The following EIF2AK1 variants were observed in gnomAD, a reference collection of about 807,000 sequenced individuals.
EIF2AK1 encodes the protein eukaryotic translation initiation factor 2-alpha kinase 1.
EIF2AK1 carries 54 observed loss-of-function variants against 77.9 expected under a neutral mutation model. That is an observed-to-expected ratio of 0.69 (90% confidence interval 0.56 to 0.87). The LOEUF (loss-of-function observed/expected upper bound fraction) is 0.87. Among genes scored for constraint, EIF2AK1 ranks in the 40% least tolerant of loss-of-function variants. The pLI is 0.00. For missense variants in EIF2AK1, 810 were observed against 768.6 expected, an observed-to-expected ratio of 1.05 and a Z score of -0.64; for synonymous variants, 314 against 290.5, an observed-to-expected ratio of 1.08 and a Z score of -0.82.
chr7:6,054,016 T>G (rs1788681787), intron 2 of EIF2AK1, among the ~76,000 whole-genome samples: 1 of 151,852 alleles, frequency 6.6e-6, no homozygotes, highest in African/African-American at 2.4e-5. Flanking sequence ...TATTGTTGAC[T>G]GTAGTCACTC....
chr7:6,024,471 A>G lies in EIF2AK1; in HGVS notation c.*202T>C, dbSNP rs972916320. 2 of 1,413,994 alleles carry G rather than the reference A, an allele frequency of 1.4e-6. No individual in the cohort carries two copies. The highest frequency in any genetic ancestry group is 1.8e-6 in the Non-Finnish European group (2 of 1,090,802). 87.6% of individuals were successfully genotyped at this position (1,413,994 alleles called of 1,614,324 possible). ...AAGTTTTTAGTTTCAGAGACTAGGC[A>G]TATGGTTAATATTTAGGTAGGAAAT... On this transcript the variant is annotated 3_prime_UTR_variant, in exon 15 of 15. Coordinates refer to ENST00000199389, the MANE Select transcript of EIF2AK1 (RefSeq NM_014413.4).
At chr7:6,028,875 C>T (rs766998617) in intron 12 of EIF2AK1, 43 bp downstream of exon 12, 3 of 1,528,726 alleles carry the variant, frequency 2.0e-6, no homozygotes, top group Non-Finnish European at 2.7e-6. Context: ...GCAACCATGT[C>T]TTTTGCTTAT....
chr7:6,031,479 C>G, intron 11 of EIF2AK1: 14 of 1,550,684 alleles, frequency 9.0e-6, no homozygotes, highest in Non-Finnish European at 1.2e-5. Flanking sequence ...CTCTATGAAG[C>G]CATCATGAGA....
chr7:6,027,826 A>G lies in EIF2AK1; in HGVS notation c.1530+789T>C. ...CATGCCTTAATCCCAGCACTTTGGGAGGCCAAGGGAGGAGAATCATTTGAG... is the reference window on the plus strand; with the variant it reads ...CATGCCTTAATCCCAGCACTTTGGGGGGCCAAGGGAGGAGAATCATTTGAG... On this transcript the variant is annotated intron_variant, in intron 13 of 14. Coordinates refer to ENST00000199389, the MANE Select transcript of EIF2AK1 (RefSeq NM_014413.4). The surrounding 1 kb of genome is among the most constrained non-coding windows in gnomAD (Gnocchi z 4.5). 2.9e-6 allele frequency: 1 copy of G among 346,790 alleles called. No homozygotes were observed. The highest frequency in any genetic ancestry group is 5.7e-6 in the Non-Finnish European group (1 of 174,974). The allele number at this position is 346,790 out of a possible 1,614,324, so 21.5% of individuals were successfully genotyped here. A position where few individuals can be genotyped will look rare whatever the true frequency, so the allele number is the denominator to read the frequency against.
At chr7:6,051,273 C>CTTTTT (rs34563208) in intron 2 of EIF2AK1, among the ~76,000 whole-genome samples, 2 of 137,478 alleles carry the variant, frequency 1.5e-5, no homozygotes, top group South Asian at 2.3e-4. Flanking sequence ...TTTTTTCTTT[C>CTTTTT]TTTTTTTTTT....
rs1254038356 is a variant in EIF2AK1 at position 6,038,567 on chromosome 7, C to G, written c.1224G>C (p.Glu408Asp). 3 of 1,610,840 alleles carry G rather than the reference C, an allele frequency of 1.9e-6. No individual in the cohort carries two copies. The highest frequency in any genetic ancestry group is 2.5e-6 in the Non-Finnish European group (3 of 1,178,314). ...GACCCAGATGGTACTCACAGGCAGACTCGTCCACATACTCCCGGCCCCGCT... is the reference window on the plus strand; with the variant it reads ...GACCCAGATGGTACTCACAGGCAGAGTCGTCCACATACTCCCGGCCCCGCT... ...RNKRGREYVD[E>D]SACPYVMANV... Residue 408 changes from glutamate to aspartate, a missense_variant, in exon 10 of 15, where the codon GAG becomes GAC. Physicochemically the swap from Glu to Asp is conservative, Grantham distance 45. This residue lies in a region of EIF2AK1 where 549 missense variants were observed against 533.7 expected (regional missense o/e 1.03). Coordinates refer to ENST00000199389, the MANE Select transcript of EIF2AK1 (RefSeq NM_014413.4).
At chr7:6,054,326 C>G (rs1163898119) in intron 2 of EIF2AK1, among the ~76,000 whole-genome samples, 1 of 152,138 alleles carries the variant, frequency 6.6e-6, no homozygotes. Flanking sequence ...GCCTCAGCCT[C>G]CCGAGTAGCT....
intron 3 of EIF2AK1, among the ~76,000 whole-genome samples, chr7:6,049,421 T>C (rs1380624411): frequency 2.0e-5 from 3 of 152,064 alleles, no homozygotes; most frequent in Non-Finnish European, 4.4e-5. Context: ...CAGGTGCCTG[T>C]GGTCCCAGCT....
chr7:6,024,366 AT>A lies in EIF2AK1; in HGVS notation c.*306del, dbSNP rs2128883960. Reference sequence around the variant, plus strand: ...TGACGAGGGCAGGGAGCACACATCAATTTCTGCGGTACCTTCTAGAGGAAGA... The same window carrying A: ...TGACGAGGGCAGGGAGCACACATCAATTCTGCGGTACCTTCTAGAGGAAGA... On this transcript the variant is annotated 3_prime_UTR_variant, in exon 15 of 15. Coordinates refer to ENST00000199389, the MANE Select transcript of EIF2AK1 (RefSeq NM_014413.4). The A allele has an allele frequency of 1.7e-6, 2 of 1,157,798 alleles. No individual in the cohort carries two copies. The highest frequency in any genetic ancestry group is 3.4e-5 in the South Asian group (2 of 59,378). 71.7% of individuals were successfully genotyped at this position (1,157,798 alleles called of 1,614,324 possible).
At chr7:6,028,329 G>C (rs914708645) in intron 13 of EIF2AK1, among the ~76,000 whole-genome samples, 1 of 151,206 alleles carries the variant, frequency 6.6e-6, no homozygotes, top group African/African-American at 2.4e-5. Context: ...TCGGCTCACT[G>C]CAACCTCTGC....
In EIF2AK1 at chr7:6,033,005, G is replaced by A. The variant is rs1226209181; in HGVS notation, c.1333-3973C>T. The A allele has an allele frequency of 7.3e-7, 1 of 1,374,480 alleles. No individual in the cohort carries two copies. The highest frequency in any genetic ancestry group is 2.0e-5 in the Admixed American group (1 of 48,922). 85.1% of individuals were successfully genotyped at this position (1,374,480 alleles called of 1,614,324 possible). A position where few individuals can be genotyped will look rare whatever the true frequency, so the allele number is the denominator to read the frequency against. The stretch of plus-strand genomic sequence containing the variant: ...TGTTTTGAGGCAGGGGTCTCGCTCT[G>A]TTGCCCAGGCTGGAGTGCAATGGCA... On this transcript the variant is annotated intron_variant, in intron 11 of 14. Coordinates refer to ENST00000199389, the MANE Select transcript of EIF2AK1 (RefSeq NM_014413.4). This position sits in a 1 kb window ranked among gnomAD's most constrained non-coding sequence, Gnocchi z 4.4.
At position 6,036,704 on chromosome 7, in the gene EIF2AK1, T is replaced by C. The variant is rs181241293; in HGVS notation, c.1332+720A>G. Among the ~76,000 whole-genome samples, 4 of 152,218 alleles carry C rather than the reference T, an allele frequency of 2.6e-5. No individual in the cohort carries two copies. The highest frequency in any genetic ancestry group is 3.9e-4 in the East Asian group (2 of 5,182). ...TAGCCTTTTGTGGATAAAAATCAAA[T>C]AGTCATTATAGACTTTTCTAAAACA... is the stretch of plus-strand genomic sequence containing the variant. On this transcript the variant is annotated intron_variant, in intron 11 of 14. Coordinates refer to ENST00000199389, the MANE Select transcript of EIF2AK1 (RefSeq NM_014413.4). The surrounding 1 kb of genome is among the most constrained non-coding windows in gnomAD (Gnocchi z 4.6).
At chr7:6,052,878 ACTTGAAC>A (rs1788647645) in intron 2 of EIF2AK1, among the ~76,000 whole-genome samples, 1 of 152,034 alleles carries the variant, frequency 6.6e-6, no homozygotes, top group African/African-American at 2.4e-5. Flanking sequence ...CAGGAGAATC[ACTTGAAC>A]CCGGGGGGCG....
rs1300157628 is a variant in EIF2AK1, at chr7:6,037,447, C to G, written c.1309G>C (p.Gly437Arg). Residue 437 changes from glycine (G) to arginine (R), a missense_variant, in exon 11 of 15, where the codon GGA becomes CGA. Gly to Arg is a moderately radical substitution (Grantham distance 125). Transcript: ENST00000199389. The part of the protein sequence containing the change: ...VEGVFYIHNM[G>R]IVHRDLKPRN... ...ACCTTCAGATCTCGGTGCACAATTC[C>G]CATGTTATGTATGTAAAACACACCT... is the stretch of plus-strand genomic sequence containing the variant. 1.2e-6 allele frequency: 2 copies of G among 1,611,776 alleles called. No individual in the cohort carries two copies. Among genetic ancestry groups the G allele is most frequent in the Non-Finnish European group, 8.5e-7 (1 of 1,178,880 alleles).
At chr7:6,053,968 G>A (rs1219422992) in intron 2 of EIF2AK1, among the ~76,000 whole-genome samples, 1 of 150,522 alleles carries the variant, frequency 6.6e-6, no homozygotes, top group Non-Finnish European at 1.5e-5. Context: ...CACTGCACCT[G>A]GCCATCTTTT....
chr7:6,043,457 C>A (rs1443903125), intron 7 of EIF2AK1, among the ~76,000 whole-genome samples: 1 of 151,812 alleles, frequency 6.6e-6, no homozygotes, highest in African/African-American at 2.4e-5. Flanking sequence ...TTGAGGCAGT[C>A]TCGCTCTGTT....
chr7:6,052,815 A>C (rs1390119188), intron 2 of EIF2AK1, among the ~76,000 whole-genome samples: 1 of 151,766 alleles, frequency 6.6e-6, no homozygotes, highest in African/African-American at 2.4e-5. Flanking sequence ...AAAATACAAA[A>C]ATTACCCGGG....
intron 1 of EIF2AK1, among the ~76,000 whole-genome samples, chr7:6,055,884 G>A (rs1286695422): frequency 6.7e-6 from 1 of 148,770 alleles, no homozygotes; most frequent in Non-Finnish European, 1.5e-5. Context: ...TCAGGAGGCT[G>A]AGGCAGGAGA....
rs771758215 is a variant in EIF2AK1 at position 6,036,079 on chromosome 7, T to G, written c.1332+1345A>C. 2.9e-5 allele frequency: 45 copies of G among 1,550,944 alleles called. No homozygotes were observed. Among genetic ancestry groups the G allele is most frequent in the Middle Eastern group, 1.7e-4 (1 of 6,018 alleles). On this transcript the variant is annotated intron_variant, in intron 11 of 14. Coordinates refer to ENST00000199389, the MANE Select transcript of EIF2AK1 (RefSeq NM_014413.4). The surrounding 1 kb of genome is among the most constrained non-coding windows in gnomAD (Gnocchi z 4.6). ...AGAAACGGGGAATCTCCAATTTATA[T>G]GTACCTTCAGCGCAGTTGCAATGTA... is the stretch of plus-strand genomic sequence containing the variant.
Sources: gnomAD v4.1 joint callset for allele counts (sites outside exome capture counted in the v4.1 genomes callset) on GRCh38, gnomAD v4.1.1 for gene constraint, gnomAD v4.1.1 regional missense constraint, Gnocchi (gnomAD v3.1) non-coding constraint, MANE v1.5 for transcripts, NCBI Gene and HGNC (gene_info 2026-07-23, HGNC 2026-07-21) for gene names.